Variants in RBFOX1 observed in about 807,000 individuals in gnomAD.
RBFOX1 encodes RNA binding fox-1 homolog 1.
RBFOX1 carries 8 observed loss-of-function variants against 57.7 expected under a neutral mutation model. The observed-to-expected ratio is 0.14, with a 90% CI of 0.08 to 0.25. The LOEUF (loss-of-function observed/expected upper bound fraction) is 0.25. Ranked by LOEUF, RBFOX1 falls within the 10% of genes least tolerant of loss-of-function variation. RBFOX1 has a pLI of 1.00. For synonymous variants in RBFOX1, 326 were observed against 222.4 expected (o/e 1.47, Z -4.15); for missense variants, 611 against 548.5 (o/e 1.11, Z -1.14).
intron 1 of RBFOX1, among the ~76,000 whole-genome samples, chr16:6,184,144 A>C (rs932764060): frequency 6.6e-6 from 1 of 152,140 alleles, no homozygotes; most frequent in Non-Finnish European, 1.5e-5. Context: ...TACCATGAAA[A>C]CAGTATGGGG....
chr16:6,827,346 A>G (rs1259238133), intron 3 of RBFOX1, among the ~76,000 whole-genome samples: 1 of 152,208 alleles, frequency 6.6e-6, no homozygotes, highest in Non-Finnish European at 1.5e-5. Flanking sequence ...CCATTAAAGA[A>G]GAAATGGGAA....
At chr16:6,764,336 T>C (rs2077034163) in intron 3 of RBFOX1, among the ~76,000 whole-genome samples, 1 of 152,186 alleles carries the variant, frequency 6.6e-6, no homozygotes. Flanking sequence ...CCCACCCTTT[T>C]AAAGGGAAAA....
At chr16:6,691,161 G>A (rs1024654844) in intron 3 of RBFOX1, among the ~76,000 whole-genome samples, 2 of 152,092 alleles carry the variant, frequency 1.3e-5, no homozygotes, top group Admixed American at 6.6e-5. Flanking sequence ...CATGTCTTTT[G>A]TATCAAAAAG....
intron 3 of RBFOX1, among the ~76,000 whole-genome samples, chr16:6,826,812 C>A (rs1007501625): frequency 1.3e-5 from 2 of 152,058 alleles, no homozygotes; most frequent in African/African-American, 2.4e-5. Context: ...TGAATTTAAA[C>A]ATTAATGTAA....
At chr16:5,709,844 T>TATATATATATA (rs60321066) in intron 3 of RBFOX1, among the ~76,000 whole-genome samples, 23 of 6,842 alleles carry the variant, frequency 3.4e-3, no homozygotes, top group African/African-American at 6.9e-3. Flanking sequence ...TATATATATA[T>TATATATATATA]TTTTTTTTTT....
At chr16:5,833,119 G>C (rs761182413) in intron 3 of RBFOX1, among the ~76,000 whole-genome samples, 1 of 152,096 alleles carries the variant, frequency 6.6e-6, no homozygotes, top group Non-Finnish European at 1.5e-5. Flanking sequence ...CCCCATACTA[G>C]AGCCTTATGC....
intron 5 of RBFOX1, among the ~76,000 whole-genome samples, chr16:7,537,012 T>A (rs776726123): frequency 6.6e-6 from 1 of 152,184 alleles, no homozygotes; most frequent in African/African-American, 2.4e-5. Context: ...GAAACACTCA[T>A]ACAGAGCCCT....
At chr16:7,488,784 C>A (rs2066125318) in intron 4 of RBFOX1, among the ~76,000 whole-genome samples, 1 of 152,170 alleles carries the variant, frequency 6.6e-6, no homozygotes, top group South Asian at 2.1e-4. Context: ...ATACATCTAT[C>A]TATACATATC....
At chr16:5,884,516 G>C (rs2057848942) in intron 4 of RBFOX1, among the ~76,000 whole-genome samples, 1 of 129,064 alleles carries the variant, frequency 7.7e-6, no homozygotes, top group Non-Finnish European at 1.6e-5. Flanking sequence ...ACATTTCCCA[G>C]CCTCCCTTGT....
At chr16:6,870,560 A>G (rs2060689815) in intron 3 of RBFOX1, among the ~76,000 whole-genome samples, 2 of 152,204 alleles carry the variant, frequency 1.3e-5, no homozygotes, top group African/African-American at 2.4e-5. Context: ...TAACTTTTGC[A>G]GGCTGGTTTT....
intron 1 of RBFOX1, among the ~76,000 whole-genome samples, chr16:6,084,340 C>G (rs959278022): frequency 3.3e-5 from 5 of 152,126 alleles, no homozygotes; most frequent in African/African-American, 9.7e-5. Flanking sequence ...ACCTCCCAGA[C>G]TCAGGTGATC....
At chr16:6,408,460 G>A (rs1194445267) in intron 2 of RBFOX1, among the ~76,000 whole-genome samples, 1 of 152,112 alleles carries the variant, frequency 6.6e-6, no homozygotes, top group South Asian at 2.1e-4. Context: ...GGATCTTTAT[G>A]CAGCTGGTGC....
At chr16:5,448,853 C>T (rs530363152) in intron 1 of RBFOX1, among the ~76,000 whole-genome samples, 1 of 152,284 alleles carries the variant, frequency 6.6e-6, no homozygotes, top group South Asian at 2.1e-4. Flanking sequence ...GATCTCTGTC[C>T]TCGAAGACAT....
chr16:6,420,164 A>T (rs1175293938), intron 2 of RBFOX1, among the ~76,000 whole-genome samples: 2 of 152,150 alleles, frequency 1.3e-5, no homozygotes, highest in African/African-American at 4.8e-5. Context: ...TCAACTCTGC[A>T]GTCGATGAAA....
At chr16:6,877,273 T>TG (rs1408396796) in intron 3 of RBFOX1, among the ~76,000 whole-genome samples, 1 of 152,222 alleles carries the variant, frequency 6.6e-6, no homozygotes, top group Non-Finnish European at 1.5e-5. Context: ...GAAAGATGGA[T>TG]GGGTTGACTT....
intron 1 of RBFOX1, among the ~76,000 whole-genome samples, chr16:6,294,624 A>T (rs753836905): frequency 6.6e-6 from 1 of 152,206 alleles, no homozygotes; most frequent in Non-Finnish European, 1.5e-5. Context: ...GCCCTCTGTG[A>T]GATCCTATAG....
At chr16:7,085,668 C>G (rs1006737573) in intron 4 of RBFOX1, among the ~76,000 whole-genome samples, 1 of 152,134 alleles carries the variant, frequency 6.6e-6, no homozygotes, top group Non-Finnish European at 1.5e-5. Flanking sequence ...CATTTTGTCC[C>G]TGTGCAAATT....
intron 3 of RBFOX1, among the ~76,000 whole-genome samples, chr16:6,856,392 G>T (rs113774950): frequency 6.6e-6 from 1 of 152,138 alleles, no homozygotes; most frequent in Non-Finnish European, 1.5e-5. Flanking sequence ...TGGAGTCCCT[G>T]TTTGAGGCTA....
chr16:7,706,167 G>GT (rs2082370699), intron 14 of RBFOX1, among the ~76,000 whole-genome samples: 1 of 152,174 alleles, frequency 6.6e-6, no homozygotes, highest in African/African-American at 2.4e-5. Context: ...CTAAATTGTA[G>GT]TGTCACACAA....
Sources: allele counts gnomAD v4.1 joint callset (sites outside exome capture counted in the v4.1 genomes callset), GRCh38; gene constraint gnomAD v4.1.1; transcripts MANE v1.5; gene names NCBI Gene and HGNC (gene_info 2026-07-23, HGNC 2026-07-21).